PLAC1: variants seen among roughly 807,000 people sequenced by gnomAD.
The protein encoded by PLAC1 is placenta associated 1.
For missense variants in PLAC1, 136 were observed against 163.2 expected, an observed-to-expected ratio of 0.83 and a Z score of 0.91; for synonymous variants, 68 against 62.1, an observed-to-expected ratio of 1.09 and a Z score of -0.44.
intron 2 of PLAC1, among the ~76,000 whole-genome samples, chrX:134,702,976 G>T (rs2078588638): frequency 9.0e-6 from 1 of 111,718 alleles, no homozygotes; most frequent in African/African-American, 3.3e-5. Context: ...TAAGAAAGTT[G>T]AATACTTTAG....
chrX:134,724,325 T>C (rs887664667), intron 2 of PLAC1, among the ~76,000 whole-genome samples: 17 of 112,319 alleles, frequency 1.5e-4, no homozygotes, highest in African/African-American at 4.9e-4. Context: ...TTAGGAACTA[T>C]CTATCTGCAC....
chrX:134,583,051 G>A (rs1049364014), intron 2 of PLAC1, among the ~76,000 whole-genome samples: 17 of 111,704 alleles, frequency 1.5e-4, no homozygotes, highest in African/African-American at 5.5e-4. Context: ...GACACCATGA[G>A]TGTAAAACTG....
chrX:134,640,917 G>A (rs1252575095), intron 1 of PLAC1, among the ~76,000 whole-genome samples: 1 of 111,705 alleles, frequency 9.0e-6, no homozygotes, highest in Non-Finnish European at 1.9e-5. Flanking sequence ...TTTCAGACCA[G>A]CTTGGGCAAC....
intron 2 of PLAC1, among the ~76,000 whole-genome samples, chrX:134,722,833 C>A (rs925643393): frequency 9.1e-5 from 10 of 110,422 alleles, no homozygotes; most frequent in Non-Finnish European, 1.9e-4. Flanking sequence ...GTTTATTCAG[C>A]CCTTAAATAT....
chrX:134,696,749 C>G (rs2078564758), intron 2 of PLAC1, among the ~76,000 whole-genome samples: 1 of 111,540 alleles, frequency 9.0e-6, no homozygotes, highest in Non-Finnish European at 1.9e-5. Context: ...GTCTGTTTGG[C>G]CGGGCGCGGT....
intron 2 of PLAC1, among the ~76,000 whole-genome samples, chrX:134,587,369 C>A (rs1239269811): frequency 2.8e-5 from 3 of 108,669 alleles, no homozygotes; most frequent in Non-Finnish European, 5.7e-5. Flanking sequence ...CCAGCTTGGG[C>A]AACAAAATGA....
At chrX:134,614,122 G>T (rs1211934798) in intron 1 of PLAC1, among the ~76,000 whole-genome samples, 1 of 110,253 alleles carries the variant, frequency 9.1e-6, no homozygotes, top group Non-Finnish European at 1.9e-5. Context: ...GCCTTCCCTG[G>T]ATCCTGCAAC....
At chrX:134,630,859 C>T (rs1008119861) in intron 1 of PLAC1, among the ~76,000 whole-genome samples, 4 of 111,699 alleles carry the variant, frequency 3.6e-5, no homozygotes, top group Non-Finnish European at 7.5e-5. Context: ...CCAGCATGTG[C>T]CTTGATTAAG....
At chrX:134,704,051 T>C (rs2078592563) in intron 2 of PLAC1, among the ~76,000 whole-genome samples, 1 of 103,992 alleles carries the variant, frequency 9.6e-6, no homozygotes, top group South Asian at 4.7e-4. Flanking sequence ...GTGTGTGCAG[T>C]CCGTGGGTGT....
At chrX:134,599,884 G>T (rs761094504) in intron 2 of PLAC1, among the ~76,000 whole-genome samples, 1 of 111,507 alleles carries the variant, frequency 9.0e-6, no homozygotes, top group East Asian at 2.8e-4. Flanking sequence ...AAAGCCATTG[G>T]ATTTTATTTA....
At chrX:134,689,244 C>T (rs2078528491) in intron 2 of PLAC1, among the ~76,000 whole-genome samples, 1 of 112,039 alleles carries the variant, frequency 8.9e-6, no homozygotes, top group Non-Finnish European at 1.9e-5. Context: ...CTGCTTTCAC[C>T]ATGTCACGCC....
intron 2 of PLAC1, among the ~76,000 whole-genome samples, chrX:134,696,461 A>G (rs2078563644): frequency 2.7e-5 from 3 of 112,193 alleles, no homozygotes; most frequent in Non-Finnish European, 3.8e-5. Context: ...TTACAGCCTC[A>G]GAGAAAAATA....
intron 2 of PLAC1, among the ~76,000 whole-genome samples, chrX:134,679,399 T>C (rs1347390948): frequency 3.6e-5 from 4 of 110,834 alleles, no homozygotes; most frequent in South Asian, 7.8e-4. Context: ...GATATCACCA[T>C]TGGAGACAAT....
chrX:134,570,968 C>T (rs1174100932), intron 2 of PLAC1, among the ~76,000 whole-genome samples: 1 of 112,001 alleles, frequency 8.9e-6, no homozygotes, highest in African/African-American at 3.2e-5. Context: ...CACATATGCT[C>T]TTTTAATTAA....
At chrX:134,749,268 A>G (rs991146923) in intron 1 of PLAC1, among the ~76,000 whole-genome samples, 1 of 112,291 alleles carries the variant, frequency 8.9e-6, no homozygotes, top group African/African-American at 3.2e-5. Context: ...GTGAGCCAAG[A>G]TCGTGCCACT....
Position 134,763,094 on chromosome X carries a change from G to C in PLAC1, n.89+1140C>G, listed in dbSNP as rs574323953. ...TGTCTCTGAGGTAGAAATATACATG[G>C]TCAGGATTACAAATCCTAGAATTAT... On this transcript the variant is annotated intron_variant and non_coding_transcript_variant, in intron 1 of 2. Coordinates refer to the PLAC1 transcript ENST00000466797. Among the ~76,000 whole-genome samples the C allele has an allele frequency of 6.3e-5, 7 of 111,104 alleles. No individual in the cohort carries two copies. The South Asian group carries it at 2.3e-3, about 36-fold the overall frequency.
At chrX:134,665,709 C>G (rs1302706609) in intron 2 of PLAC1, among the ~76,000 whole-genome samples, 8 of 111,168 alleles carry the variant, frequency 7.2e-5, no homozygotes, top group African/African-American at 2.6e-4. Flanking sequence ...GATGCTCTGA[C>G]AGGTGGGAGT....
At chrX:134,675,479 A>T (rs1028286190) in intron 2 of PLAC1, among the ~76,000 whole-genome samples, 3 of 111,741 alleles carry the variant, frequency 2.7e-5, no homozygotes, top group Non-Finnish European at 5.7e-5. Context: ...CAGCCTGACC[A>T]ACATGGAGAA....
intron 2 of PLAC1, among the ~76,000 whole-genome samples, chrX:134,675,725 T>C (rs1015452693): frequency 4.6e-5 from 5 of 109,074 alleles, no homozygotes; most frequent in South Asian, 3.9e-4. Flanking sequence ...CCCCAAAGGA[T>C]GGAGGCAGAG....
Sources: gnomAD v4.1 joint callset for allele counts (sites outside exome capture counted in the v4.1 genomes callset) on GRCh38, gnomAD v4.1.1 for gene constraint, MANE v1.5 for transcripts, NCBI Gene and HGNC (gene_info 2026-07-23, HGNC 2026-07-21) for gene names.